EYA4: variants seen among roughly 807,000 people sequenced by gnomAD.
The protein encoded by EYA4 is EYA transcriptional coactivator and phosphatase 4.
Under a neutral mutation model 87.9 loss-of-function variants are expected in EYA4, and 31 were observed. The observed-to-expected ratio is 0.35, with a 90% CI of 0.27 to 0.48. EYA4 has a LOEUF of 0.48. Among genes scored for constraint, EYA4 ranks in the 20% least tolerant of loss-of-function variants. The pLI, the probability that EYA4 is intolerant of heterozygous loss-of-function variation, is 0.99. For synonymous variants in EYA4, 263 were observed against 270.6 expected (o/e 0.97, Z 0.28); for missense variants, 678 against 761.4 (o/e 0.89, Z 1.29).
At chr6:133,523,426 T>C (rs891256275) in intron 18 of EYA4, among the ~76,000 whole-genome samples, 6 of 152,156 alleles carry the variant, frequency 3.9e-5, no homozygotes, top group Non-Finnish European at 8.8e-5. Flanking sequence ...GCCCATGTTA[T>C]CTAAATAATA....
chr6:133,514,978 AT>A (rs1799460705), intron 16 of EYA4, among the ~76,000 whole-genome samples: 2 of 152,178 alleles, frequency 1.3e-5, no homozygotes, highest in African/African-American at 2.4e-5. Flanking sequence ...CAGACCTCAA[AT>A]ATCACAGTCC....
At chr6:133,527,675 C>CA (rs1800743534) in intron 19 of EYA4, among the ~76,000 whole-genome samples, 1 of 152,172 alleles carries the variant, frequency 6.6e-6, no homozygotes, top group African/African-American at 2.4e-5. Flanking sequence ...TCAATAGCCA[C>CA]ATGTGGCTGG....
intron 3 of EYA4, among the ~76,000 whole-genome samples, chr6:133,407,569 A>G (rs1245435824): frequency 1.3e-5 from 2 of 151,672 alleles, no homozygotes; most frequent in African/African-American, 2.4e-5. Flanking sequence ...TAATCCAGAG[A>G]CTCCCTGTGC....
At chr6:133,410,309 G>A (rs919135218) in intron 3 of EYA4, among the ~76,000 whole-genome samples, 2 of 152,012 alleles carry the variant, frequency 1.3e-5, no homozygotes, top group Non-Finnish European at 2.9e-5. Context: ...TTTTCAAATA[G>A]GGATGTGTTA....
At chr6:133,266,547 A>G (rs1776240801) in intron 1 of EYA4, among the ~76,000 whole-genome samples, 1 of 152,202 alleles carries the variant, frequency 6.6e-6, no homozygotes, top group African/African-American at 2.4e-5. Flanking sequence ...GTAAATAAAC[A>G]GTAGTTCTAA....
chr6:133,274,988 C>T (rs1013130868), intron 2 of EYA4, among the ~76,000 whole-genome samples, 175 bp downstream of exon 2: 1 of 152,094 alleles, frequency 6.6e-6, no homozygotes, highest in Non-Finnish European at 1.5e-5. Flanking sequence ...GCCGTTTCTG[C>T]TTAATGATGA....
At chr6:133,449,233 A>G (rs1223033863) in intron 5 of EYA4, among the ~76,000 whole-genome samples, 1 of 152,238 alleles carries the variant, frequency 6.6e-6, no homozygotes, top group South Asian at 2.1e-4. Flanking sequence ...CAAAAGCAAC[A>G]TAGAAAATAT....
intron 2 of EYA4, among the ~76,000 whole-genome samples, chr6:133,334,658 T>C (rs1242894245): frequency 2.0e-5 from 3 of 152,288 alleles, no homozygotes; most frequent in Admixed American, 6.5e-5. Flanking sequence ...ATCTACCTAT[T>C]TGATCTCTCT....
At chr6:133,340,365 T>G (rs1313216681) in intron 2 of EYA4, among the ~76,000 whole-genome samples, 3 of 152,198 alleles carry the variant, frequency 2.0e-5, no homozygotes, top group Non-Finnish European at 4.4e-5. Context: ...TCTTTTCACA[T>G]CTACATAAAG....
intron 3 of EYA4, among the ~76,000 whole-genome samples, chr6:133,406,182 C>T (rs1253809286): frequency 6.6e-6 from 1 of 152,104 alleles, no homozygotes; most frequent in East Asian, 1.9e-4. Flanking sequence ...CAGGTTCTAT[C>T]TTAGGTATTT....
intron 3 of EYA4, among the ~76,000 whole-genome samples, chr6:133,406,136 A>G (rs1788689139): frequency 6.6e-6 from 1 of 152,120 alleles, no homozygotes; most frequent in African/African-American, 2.4e-5. Context: ...TTTATTTACT[A>G]ATTGACCAGG....
chr6:133,438,121 A>AT (rs1363742863), intron 3 of EYA4, among the ~76,000 whole-genome samples: 1 of 152,090 alleles, frequency 6.6e-6, no homozygotes, highest in African/African-American at 2.4e-5. Context: ...ATACAGGAAT[A>AT]TTTTTGCTGT....
chr6:133,432,236 A>G (rs1021968163), intron 3 of EYA4, among the ~76,000 whole-genome samples: 24 of 152,174 alleles, frequency 1.6e-4, no homozygotes, highest in African/African-American at 5.1e-4. Context: ...GCCCCAGTAG[A>G]CATGAGGGAG....
chr6:133,494,437 G>A (rs1797451785), intron 13 of EYA4, among the ~76,000 whole-genome samples: 1 of 152,114 alleles, frequency 6.6e-6, no homozygotes, highest in African/African-American at 2.4e-5. Context: ...CAGTTAGTGG[G>A]AATGGTTAAT....
chr6:133,399,968 C>G (rs1369748721), intron 3 of EYA4, among the ~76,000 whole-genome samples: 1 of 152,148 alleles, frequency 6.6e-6, no homozygotes, highest in Non-Finnish European at 1.5e-5. Context: ...AAGAAGTGAA[C>G]TAGGGTTTTC....
At chr6:133,449,155 T>TAGTA (rs939177134) in intron 5 of EYA4, among the ~76,000 whole-genome samples, 75 of 152,370 alleles carry the variant, frequency 4.9e-4, no homozygotes, top group African/African-American at 1.6e-3. Flanking sequence ...AAGGGCCAGA[T>TAGTA]AGTAAGTATT....
At chr6:133,348,055 T>C (rs1322611414) in intron 2 of EYA4, among the ~76,000 whole-genome samples, 1 of 152,182 alleles carries the variant, frequency 6.6e-6, no homozygotes, top group Non-Finnish European at 1.5e-5. Flanking sequence ...TAATTAGTTG[T>C]GTGACTTTTT....
At chr6:133,385,131 C>T (rs1218841550) in intron 3 of EYA4, among the ~76,000 whole-genome samples, 1 of 151,578 alleles carries the variant, frequency 6.6e-6, no homozygotes, top group Non-Finnish European at 1.5e-5. Context: ...AACCCCGTCT[C>T]TACTAAAAAA....
chr6:133,392,190 G>A (rs1787360890), intron 3 of EYA4, among the ~76,000 whole-genome samples: 1 of 152,050 alleles, frequency 6.6e-6, no homozygotes, highest in African/African-American at 2.4e-5. Context: ...CTATTCAAGG[G>A]ACCCAGTCTT....
Sources: gnomAD v4.1 joint callset for allele counts (sites outside exome capture counted in the v4.1 genomes callset) on GRCh38, gnomAD v4.1.1 for gene constraint, MANE v1.5 for transcripts, NCBI Gene and HGNC (gene_info 2026-07-23, HGNC 2026-07-21) for gene names.